The following EHBP1 variants were observed in gnomAD, a reference collection of about 807,000 sequenced individuals.
EHBP1 encodes the protein EH domain-binding protein 1.
Under a neutral mutation model 144.0 loss-of-function variants are expected in EHBP1, and 55 were observed. The ratio of observed to expected loss-of-function variants is 0.38; its 90% CI spans 0.31 to 0.48. The LOEUF (loss-of-function observed/expected upper bound fraction) is 0.48. Ranked by LOEUF, EHBP1 falls within the 20% of genes least tolerant of loss-of-function variation. The probability of loss-of-function intolerance (pLI) is 0.98; values close to 1 mark genes in which losing one functional copy is unlikely to be tolerated. For synonymous variants in EHBP1, 469 were observed against 472.7 expected (o/e 0.99, Z 0.10); for missense variants, 1,200 against 1,364.2 (o/e 0.88, Z 1.90).
intron 10 of EHBP1, among the ~76,000 whole-genome samples, chr2:62,936,432 C>CTAT (rs1208559602): frequency 1.3e-5 from 2 of 152,118 alleles, no homozygotes; most frequent in African/African-American, 4.8e-5. Context: ...CTGATCCTCT[C>CTAT]TATTATATGC....
upstream of EHBP1, among the ~76,000 whole-genome samples, chr2:62,705,271 C>A (rs188922828): frequency 2.6e-3 from 401 of 152,224 alleles, no homozygotes; most frequent in Non-Finnish European, 4.5e-3. Context: ...AACCCACAGG[C>A]AGCTGCACTG....
chr2:63,044,036 T>C (rs1267536017), intron 21 of EHBP1: 1 of 145,976 alleles, frequency 6.9e-6, no homozygotes, highest in East Asian at 2.0e-4. Context: ...CATCTACTTC[T>C]TCTTTTCATT....
At chr2:62,819,268 G>A (rs959386486) in intron 5 of EHBP1, among the ~76,000 whole-genome samples, 6 of 152,068 alleles carry the variant, frequency 3.9e-5, no homozygotes, top group Non-Finnish European at 8.8e-5. Context: ...AAAGAATGTG[G>A]GAGAATGGGA....
At chr2:62,800,265 T>A (rs1433975703) in intron 5 of EHBP1, among the ~76,000 whole-genome samples, 2 of 152,234 alleles carry the variant, frequency 1.3e-5, no homozygotes, top group African/African-American at 4.8e-5. Flanking sequence ...ACCTCATGAT[T>A]TAATATGATA....
At chr2:62,950,259 A>T (rs1000092054) in intron 13 of EHBP1, among the ~76,000 whole-genome samples, 1 of 152,196 alleles carries the variant, frequency 6.6e-6, no homozygotes, top group Admixed American at 6.5e-5. Flanking sequence ...CCAAAGTTAA[A>T]GCTATTTTCA....
intron 20 of EHBP1, among the ~76,000 whole-genome samples, 163 bp from the exon 21 acceptor site, chr2:63,038,580 C>T (rs556619059): frequency 2.0e-5 from 3 of 152,126 alleles, no homozygotes; most frequent in East Asian, 1.9e-4. Context: ...AGTAAATATT[C>T]GACTGAGGAA....
At chr2:62,878,584 T>C (rs1232404882) in intron 10 of EHBP1, among the ~76,000 whole-genome samples, 2 of 152,152 alleles carry the variant, frequency 1.3e-5, no homozygotes, top group African/African-American at 2.4e-5. Context: ...ACTAGAAAAC[T>C]AAACCCAGCA....
intron 19 of EHBP1, among the ~76,000 whole-genome samples, chr2:63,011,634 A>G (rs1402167852): frequency 1.3e-5 from 2 of 151,900 alleles, no homozygotes; most frequent in Non-Finnish European, 2.9e-5. Context: ...TCTAAATTCA[A>G]GATAGAAAAT....
intron 6 of EHBP1, among the ~76,000 whole-genome samples, chr2:62,827,920 C>T (rs746516344): frequency 2.0e-5 from 3 of 152,168 alleles, no homozygotes; most frequent in Admixed American, 6.5e-5. Flanking sequence ...CCGCCCACCT[C>T]GGCCTCCCAA....
intron 10 of EHBP1, among the ~76,000 whole-genome samples, chr2:62,875,398 A>G (rs1030345543): frequency 6.6e-6 from 1 of 152,234 alleles, no homozygotes; most frequent in African/African-American, 2.4e-5. Flanking sequence ...GCCCCCTGAA[A>G]TAATCCAAAA....
chr2:62,939,227 T>C (rs1443448045), intron 10 of EHBP1, among the ~76,000 whole-genome samples: 1 of 152,162 alleles, frequency 6.6e-6, no homozygotes, highest in Non-Finnish European at 1.5e-5. Flanking sequence ...GGTAAGTGGA[T>C]TCAGGAGTGC....
chr2:62,979,387 G>A (rs753221345), intron 15 of EHBP1, 52 bp downstream of exon 15: 4 of 1,545,462 alleles, frequency 2.6e-6, no homozygotes, highest in Non-Finnish European at 3.5e-6. Flanking sequence ...AATCCACAGT[G>A]GACCTTTTGG....
At chr2:62,886,579 G>A (rs2051948891) in intron 10 of EHBP1, among the ~76,000 whole-genome samples, 1 of 152,062 alleles carries the variant, frequency 6.6e-6, no homozygotes, top group Non-Finnish European at 1.5e-5. Context: ...AAACAGAAAG[G>A]ATAAAGTTAC....
intron 7 of EHBP1, among the ~76,000 whole-genome samples, chr2:62,851,241 A>G (rs2048674226): frequency 6.6e-6 from 1 of 152,142 alleles, no homozygotes; most frequent in African/African-American, 2.4e-5. Flanking sequence ...TAAAGTTCAA[A>G]TTCTTTAGTT....
intron 8 of EHBP1, among the ~76,000 whole-genome samples, chr2:62,862,162 T>C (rs1349775254): frequency 1.3e-5 from 2 of 152,242 alleles, no homozygotes; most frequent in Non-Finnish European, 2.9e-5. Flanking sequence ...ATTGATTTAT[T>C]ATGATTTTAT....
chr2:62,737,684 G>C (rs903695453), intron 2 of EHBP1, among the ~76,000 whole-genome samples: 5 of 152,044 alleles, frequency 3.3e-5, no homozygotes, highest in Admixed American at 6.6e-5. Flanking sequence ...ACTATTTTTC[G>C]TAGCAGTCCC....
At chr2:62,999,226 T>G (rs2059756224) in intron 19 of EHBP1, among the ~76,000 whole-genome samples, 1 of 152,166 alleles carries the variant, frequency 6.6e-6, no homozygotes, top group African/African-American at 2.4e-5. Flanking sequence ...GACTCAGTCC[T>G]CTTTCCCCAC....
intron 1 of EHBP1, among the ~76,000 whole-genome samples, chr2:62,692,125 C>T (rs2151747735): frequency 6.6e-6 from 1 of 152,300 alleles, no homozygotes; most frequent in South Asian, 2.1e-4. Context: ...TAAAAGTAAT[C>T]ATACAATATG....
At chr2:62,893,886 A>G (rs2052660281) in intron 10 of EHBP1, among the ~76,000 whole-genome samples, 2 of 152,148 alleles carry the variant, frequency 1.3e-5, no homozygotes, top group South Asian at 4.1e-4. Context: ...TCCACTACAA[A>G]TACAAAAAAT....
Sources: gnomAD v4.1 joint callset for allele counts (sites outside exome capture counted in the v4.1 genomes callset) on GRCh38, gnomAD v4.1.1 for gene constraint, MANE v1.5 for transcripts, NCBI Gene and HGNC (gene_info 2026-07-23, HGNC 2026-07-21) for gene names.